The following MASP2 variants were observed in gnomAD, a reference collection of about 807,000 sequenced individuals.
The protein encoded by MASP2 is mannan-binding lectin serine protease 2.
Under a neutral mutation model 57.1 loss-of-function variants are expected in MASP2, and 49 were observed. The ratio of observed to expected loss-of-function variants is 0.86; its 90% CI spans 0.68 to 1.09. The LOEUF is 1.09. MASP2 is among the 50% of genes least tolerant of loss of function. The pLI is 0.00. For missense variants in MASP2, 900 were observed against 874.8 expected, an observed-to-expected ratio of 1.03 and a Z score of -0.36; for synonymous variants, 379 against 340.8, an observed-to-expected ratio of 1.11 and a Z score of -1.24.
At position 11,045,389 on chromosome 1, in the gene MASP2, C is replaced by T. The variant is rs910540651; in HGVS notation, c.544+19G>A. ...TATCCCAGGAGAGGGTGCGTTGGGG[C>T]CCAGGCAGCCTCCCTCACCTGAGCA... On this transcript the variant is annotated intron_variant, in intron 4 of 10. Transcript: ENST00000400897. The T allele has an allele frequency of 1.1e-5, 17 of 1,612,390 alleles. No homozygotes were observed. Among genetic ancestry groups the T allele is most frequent in the Non-Finnish European group, 1.4e-5 (16 of 1,179,964 alleles).
Position 11,046,736 on chromosome 1 carries a change from G to A in MASP2, c.235-3C>T. On this transcript the variant is annotated splice_polypyrimidine_tract_variant and splice_region_variant and intron_variant, in intron 2 of 10. Transcript: ENST00000400897. The stretch of plus-strand genomic sequence containing the variant: ...AGCACCTTGGCCCCCGAGCTCAGCT[G>A]TGGGGTCAGGTGTCACAGGGAGTGA... 1.2e-6 allele frequency: 2 copies of A among 1,610,496 alleles called. No homozygotes were observed. Among genetic ancestry groups the A allele is most frequent in the Non-Finnish European group, 1.7e-6 (2 of 1,178,672 alleles).
At chr1:11,033,942 C>T (rs536850259) in intron 8 of MASP2, among the ~76,000 whole-genome samples, 1 of 47,950 alleles carries the variant, frequency 2.1e-5, no homozygotes, top group Non-Finnish European at 4.5e-5. Context: ...CACACACACA[C>T]ACACACACAC....
intron 10 of MASP2, among the ~76,000 whole-genome samples, chr1:11,029,280 G>T (rs1292180874): frequency 1.3e-5 from 2 of 151,364 alleles, no homozygotes; most frequent in Non-Finnish European, 2.9e-5. Context: ...GATTACAGGC[G>T]TGAGCCACCA....
Position 11,037,702 on chromosome 1 carries a change from C to T in MASP2, c.999G>A (p.Glu333=), listed in dbSNP as rs1402105312. The T allele has an allele frequency of 6.2e-7, 1 of 1,608,412 alleles. No homozygotes were observed. The highest frequency in any genetic ancestry group is 1.7e-5 in the Admixed American group (1 of 58,998). Residue 333 remains glutamate (E), a synonymous_variant, in exon 7 of 11, where the codon GAG becomes GAA. Coordinates refer to ENST00000400897, the MANE Select transcript of MASP2 (RefSeq NM_006610.4). ...SFSIFCETGY[E]LLQGHLPLKS... is the part of the protein sequence containing the mutation. ...CTTTGTTTTAACTCACTTGCAGAAG[C>T]TCATAGCCAGTCTCGCAAAAGATGG...
In MASP2 at chr1:11,026,983, A is replaced by G. The variant is rs1165915154; in HGVS notation, c.1963T>C (p.Trp655Arg). The G allele has an allele frequency of 1.9e-6, 3 of 1,588,442 alleles. No individual in the cohort carries two copies. Among genetic ancestry groups the G allele is most frequent in the Non-Finnish European group, 2.6e-6 (3 of 1,168,654 alleles). ...ERWFVGGIVSWGSMNCGEAGQ... is the reference protein window; with the variant it reads ...ERWFVGGIVSRGSMNCGEAGQ... ...GCTTCCCCACAATTCATGGAACCCC[A>G]GGACACTATTCCTCCCACAAACCAC... is the stretch of plus-strand genomic sequence containing the variant. The change falls in exon 11 of 11, where the codon TGG becomes CGG. Residue 655 changes from tryptophan to arginine, a missense_variant. By Grantham distance (101) the Trp-to-Arg change is moderately radical. Coordinates refer to ENST00000400897, the MANE Select transcript of MASP2 (RefSeq NM_006610.4).
intron 8 of MASP2, among the ~76,000 whole-genome samples, chr1:11,032,113 G>A (rs1327162339): frequency 6.6e-6 from 1 of 151,968 alleles, no homozygotes; most frequent in African/African-American, 2.4e-5. Context: ...GCACGTGCCT[G>A]TAGTCCAAGC....
rs760572792 is a variant in MASP2, at chr1:11,046,737, T to C, written c.235-4A>G. The C allele has an allele frequency of 3.7e-6, 6 of 1,610,404 alleles. No individual in the cohort carries two copies. The African/African-American group carries it at 5.3e-5, about 14-fold the overall frequency. ...GCACCTTGGCCCCCGAGCTCAGCTG[T>C]GGGGTCAGGTGTCACAGGGAGTGAA... On this transcript the variant is annotated splice_polypyrimidine_tract_variant and splice_region_variant and intron_variant, in intron 2 of 10. Transcript: ENST00000400897.
At chr1:11,039,034 G>A (rs1026433919) in intron 6 of MASP2, among the ~76,000 whole-genome samples, 2 of 129,268 alleles carry the variant, frequency 1.5e-5, no homozygotes, top group African/African-American at 7.5e-5. Flanking sequence ...CTGCCACCTA[G>A]AACTCTTCTG....
intron 6 of MASP2, among the ~76,000 whole-genome samples, chr1:11,041,505 T>C (rs1029347424): frequency 5.7e-5 from 8 of 139,494 alleles, no homozygotes; most frequent in Non-Finnish European, 1.2e-4. Context: ...GGTGGATAGA[T>C]AGAAGGATGT....
rs757564303 is a variant in MASP2, at chr1:11,034,106, CAT to C, written c.1087+720_1087+721del. On this transcript the variant is annotated intron_variant, in intron 8 of 10. Transcript: ENST00000400897. The stretch of plus-strand genomic sequence containing the variant: ...TACAAAAATTAGCCGGGTGTAGTGA[CAT>C]GTGCTGGTAGTGCCTCCCAGCTCCT... 3.3e-5 allele frequency among the ~76,000 whole-genome samples: 5 copies of C among 151,524 alleles called. No homozygotes were observed. The South Asian group carries it at 6.3e-4, about 19-fold the overall frequency.
chr1:11,026,989 CTA>C lies in MASP2; in HGVS notation c.1955_1956del (p.Ile652SerfsTer22). ...SETERWFVGG[I>X]VSWGSMNCGE... is the part of the protein sequence containing the mutation. Reference sequence around the variant, plus strand: ...CCACAATTCATGGAACCCCAGGACACTATTCCTCCCACAAACCACCTCTCTGT... The same window carrying C: ...CCACAATTCATGGAACCCCAGGACACTTCCTCCCACAAACCACCTCTCTGT... On this transcript the variant is annotated frameshift_variant, in exon 11 of 11. Transcript: ENST00000400897. LOFTEE classifies it high-confidence loss of function. 6.3e-7 allele frequency: 1 copy of C among 1,594,344 alleles called. No homozygotes were observed.
At chr1:11,044,761 T>TACCC in intron 4 of MASP2, 39 of 1,313,558 alleles carry the variant, frequency 3.0e-5, no homozygotes, top group East Asian at 6.3e-5. Flanking sequence ...CCCCGCCGCC[T>TACCC]CCCGACCCTC....
At chr1:11,029,282 G>C (rs747156147) in intron 10 of MASP2, among the ~76,000 whole-genome samples, 2 of 151,468 alleles carry the variant, frequency 1.3e-5, no homozygotes, top group Non-Finnish European at 2.9e-5. Context: ...TTACAGGCGT[G>C]AGCCACCATG....
intron 7 of MASP2, 124 bp downstream of exon 7, chr1:11,037,563 TTAAAGA>T (rs1278395076): frequency 1.6e-6 from 1 of 607,236 alleles, no homozygotes; most frequent in African/African-American, 1.9e-5. Context: ...TTTTTATCAT[TTAAAGA>T]TAGACAAAAG....
rs766398985 is a variant in MASP2 at position 11,037,669 on chromosome 1, G to A, written c.1008+24C>T. On this transcript the variant is annotated intron_variant, in intron 7 of 10. Coordinates refer to ENST00000400897, the MANE Select transcript of MASP2 (RefSeq NM_006610.4). ...CATTTCAAAGCAATCGTCATTGATC[G>A]TGGTGTACTTTGTTTTAACTCACTT... is the stretch of plus-strand genomic sequence containing the variant. 7.8e-6 allele frequency: 11 copies of A among 1,407,632 alleles called. No homozygotes were observed. The African/African-American group carries it at 1.6e-4, about 20-fold the overall frequency. 87.2% of individuals were successfully genotyped at this position (1,407,632 alleles called of 1,614,324 possible). A position where few individuals can be genotyped will look rare whatever the true frequency, so the allele number is the denominator to read the frequency against.
At chr1:11,035,719 A>AC (rs147607436) in intron 7 of MASP2, among the ~76,000 whole-genome samples, 3,385 of 151,656 alleles carry the variant, frequency 0.022, 127 homozygotes, top group African/African-American at 0.078. Context: ...ACATAGTGAG[A>AC]CCCCCACCTC....
At position 11,043,455 on chromosome 1, in the gene MASP2, A is replaced by C; in HGVS notation, c.625T>G (p.Ser209Ala). The change falls in exon 5 of 11, where the codon TCC becomes GCC. Residue 209 changes from serine (S) to alanine (A), a missense_variant. Physicochemically the swap from Ser to Ala is moderately conservative, Grantham distance 99. Coordinates refer to ENST00000400897, the MANE Select transcript of MASP2 (RefSeq NM_006610.4). ...AGGCTGATGCTGTAAGTGCAACTGGAGAGTTTGGGATACGGCCGTGGGTAT... is the reference window on the plus strand; with the variant it reads ...AGGCTGATGCTGTAAGTGCAACTGGCGAGTTTGGGATACGGCCGTGGGTAT... ...PEYPRPYPKL[S>A]SCTYSISLEE... 1 of 1,611,004 alleles carries C rather than the reference A, an allele frequency of 6.2e-7. No homozygotes were observed. Among genetic ancestry groups the C allele is most frequent in the Non-Finnish European group, 8.5e-7 (1 of 1,179,082 alleles).
In MASP2 at chr1:11,046,678, G is replaced by T. The variant is rs754479514; in HGVS notation, c.290C>A (p.Thr97Lys). The T allele has an allele frequency of 1.2e-6, 2 of 1,613,514 alleles. No individual in the cohort carries two copies. Among genetic ancestry groups the T allele is most frequent in the Admixed American group, 3.3e-5 (2 of 60,026 alleles). ...AGTGTCCTTGCCAGGGGCCCGCTCC[G>T]TGTCTGTGCTCTCCTGCCCGCACAG... is the stretch of plus-strand genomic sequence containing the variant. ...ATLCGQESTD[T>K]ERAPGKDTFY... is the part of the protein sequence containing the mutation. Residue 97 changes from threonine to lysine, a missense_variant, in exon 3 of 11, where the codon ACG (threonine) becomes AAG (lysine). Transcript: ENST00000400897.
chr1:11,042,819 C>A (rs1638501249), intron 6 of MASP2, 56 bp downstream of exon 6: 4 of 1,597,898 alleles, frequency 2.5e-6, no homozygotes, highest in Non-Finnish European at 3.4e-6. Context: ...CCTTGACACT[C>A]CAGGAGAGAG....
Sources: gnomAD v4.1 joint callset for allele counts (sites outside exome capture counted in the v4.1 genomes callset) on GRCh38, gnomAD v4.1.1 for gene constraint, MANE v1.5 for transcripts, NCBI Gene and HGNC (gene_info 2026-07-23, HGNC 2026-07-21) for gene names.